The following KAZN variants were observed in gnomAD, a reference collection of about 807,000 sequenced individuals.
KAZN encodes the protein kazrin, periplakin interacting protein.
Under a neutral mutation model 87.4 loss-of-function variants are expected in KAZN, and 40 were observed. That is an observed-to-expected ratio of 0.46 (90% confidence interval 0.36 to 0.60). KAZN has a LOEUF of 0.60. KAZN is among the 20% of genes least tolerant of loss of function. The probability of loss-of-function intolerance (pLI) is 0.00; values close to 1 mark genes in which losing one functional copy is unlikely to be tolerated. For missense variants in KAZN, 898 were observed against 1,073.9 expected, an observed-to-expected ratio of 0.84 and a Z score of 2.29; for synonymous variants, 466 against 458.3, an observed-to-expected ratio of 1.02 and a Z score of -0.22.
chr1:14,968,637 C>T (rs191167745), intron 2 of KAZN, among the ~76,000 whole-genome samples: 23 of 152,256 alleles, frequency 1.5e-4, no homozygotes, highest in Admixed American at 4.6e-4. Context: ...CAGCACGGGG[C>T]GGGTGGAGTT....
intron 2 of KAZN, among the ~76,000 whole-genome samples, chr1:14,456,985 C>A (rs1667600349): frequency 6.6e-6 from 1 of 152,154 alleles, no homozygotes; most frequent in African/African-American, 2.4e-5. Context: ...GAGGCTAGGG[C>A]AGAAAAATCG....
chr1:14,411,078 C>T (rs1664268815), intron 2 of KAZN, among the ~76,000 whole-genome samples: 1 of 152,156 alleles, frequency 6.6e-6, no homozygotes, highest in African/African-American at 2.4e-5. Flanking sequence ...AATAAATCTA[C>T]AACTAGGCAC....
intron 1 of KAZN, among the ~76,000 whole-genome samples, chr1:14,750,915 C>T (rs1317011127): frequency 2.0e-5 from 3 of 152,176 alleles, no homozygotes; most frequent in Admixed American, 1.3e-4. Flanking sequence ...TCCAGTGTAA[C>T]CCCTGATGTT....
chr1:14,528,413 C>A (rs1276398824), intron 2 of KAZN, among the ~76,000 whole-genome samples: 3 of 150,956 alleles, frequency 2.0e-5, no homozygotes, highest in African/African-American at 7.3e-5. Context: ...CTGCCACACG[C>A]TGACCTCTAG....
At chr1:15,101,262 CT>C (rs1641057266) in intron 10 of KAZN, among the ~76,000 whole-genome samples, 1 of 151,580 alleles carries the variant, frequency 6.6e-6, no homozygotes, top group Non-Finnish European at 1.5e-5. Context: ...TTCTCTGTCT[CT>C]TTCTCTCTTT....
intron 2 of KAZN, among the ~76,000 whole-genome samples, chr1:14,343,440 G>A (rs1008639078): frequency 7.2e-5 from 11 of 152,238 alleles, no homozygotes; most frequent in African/African-American, 1.7e-4. Context: ...TTCCTTGGTC[G>A]AGAGCTATGC....
At chr1:14,833,770 A>G (rs1176657983) in intron 1 of KAZN, among the ~76,000 whole-genome samples, 2 of 152,128 alleles carry the variant, frequency 1.3e-5, no homozygotes, top group Non-Finnish European at 2.9e-5. Flanking sequence ...ACCCTTGCTA[A>G]TAGACCCTGG....
chr1:14,684,161 G>A (rs994576089), intron 1 of KAZN, among the ~76,000 whole-genome samples: 4 of 152,136 alleles, frequency 2.6e-5, no homozygotes, highest in Non-Finnish European at 5.9e-5. Flanking sequence ...GGCTTGATGT[G>A]CTTGCTTTTT....
chr1:14,443,536 T>C (rs1006928105), intron 2 of KAZN, among the ~76,000 whole-genome samples: 11 of 152,248 alleles, frequency 7.2e-5, no homozygotes, highest in Admixed American at 2.0e-4. Context: ...AGAGTCTCCA[T>C]TGGATTGGAG....
At chr1:14,872,858 A>G (rs1318045668) in intron 1 of KAZN, among the ~76,000 whole-genome samples, 2 of 151,410 alleles carry the variant, frequency 1.3e-5, no homozygotes, top group African/African-American at 4.9e-5. Flanking sequence ...ACGGATACAT[A>G]GATGAATAGA....
intron 2 of KAZN, among the ~76,000 whole-genome samples, chr1:14,337,903 A>G (rs1211245160): frequency 6.6e-6 from 1 of 151,802 alleles, no homozygotes; most frequent in African/African-American, 2.4e-5. Flanking sequence ...CAAAAAAAAA[A>G]AAAAAAAAAG....
In KAZN at chr1:13,913,091, C is replaced by T. The variant is rs114230707; in HGVS notation, c.91+19335C>T. Among the ~76,000 whole-genome samples, 1,000 of 152,162 alleles carry T rather than the reference C, an allele frequency of 6.6e-3. 6 individuals carry two copies. The highest frequency in any genetic ancestry group is 0.054 in the Middle Eastern group (16 of 294). ...GGGGTTGGGGTCACTGGACCCTCTC[C>T]TAATGTTAATATTGAACTGCAAGAG... On this transcript the variant is annotated intron_variant, in intron 1 of 16. Coordinates refer to the KAZN transcript ENST00000636203.
At chr1:14,550,741 C>CT (rs1557793848) in intron 2 of KAZN, among the ~76,000 whole-genome samples, 1 of 75,636 alleles carries the variant, frequency 1.3e-5, no homozygotes, top group African/African-American at 3.9e-5. Context: ...CTCTCTCTCC[C>CT]CCACCCCGCC....
chr1:14,157,361 G>A (rs773090589), intron 1 of KAZN, among the ~76,000 whole-genome samples: 10 of 152,066 alleles, frequency 6.6e-5, no homozygotes, highest in South Asian at 2.1e-4. Context: ...AGATGAAGCC[G>A]ACCTACTTTC....
chr1:14,448,065 CTG>C (rs1476056825), intron 2 of KAZN, among the ~76,000 whole-genome samples: 1 of 152,228 alleles, frequency 6.6e-6, no homozygotes, highest in Non-Finnish European at 1.5e-5. Context: ...ACAGGACAAA[CTG>C]TGGTTAAGAT....
intron 1 of KAZN, among the ~76,000 whole-genome samples, chr1:14,707,304 AG>A (rs1327901850): frequency 2.0e-5 from 3 of 152,184 alleles, no homozygotes; most frequent in Non-Finnish European, 2.9e-5. Flanking sequence ...AATGCGTGAG[AG>A]GATAAAGGCA....
Position 15,051,939 on chromosome 1 carries a change from T to C in KAZN, c.727-4152T>C, listed in dbSNP as rs143550214. Among the ~76,000 whole-genome samples the C allele has an allele frequency of 4.2e-3, 644 of 152,344 alleles. 3 individuals are homozygous for C. The highest frequency in any genetic ancestry group is 0.041 in the South Asian group (197 of 4,830). The stretch of plus-strand genomic sequence containing the variant: ...TTCTGTCTGACTTTTGTCAAATGGA[T>C]GCATTTGTGTCAAGTTAACAATTCC... On this transcript the variant is annotated intron_variant, in intron 4 of 14. Coordinates refer to ENST00000376030, the MANE Select transcript of KAZN (RefSeq NM_201628.3).
chr1:14,845,171 GTGGATGGATGGA>G (rs145173619), intron 1 of KAZN, among the ~76,000 whole-genome samples: 1 of 149,376 alleles, frequency 6.7e-6, no homozygotes, highest in African/African-American at 2.5e-5. Context: ...GGATGGGTGG[GTGGATGGATGGA>G]TGGATGGATG....
rs117257023 is a variant in KAZN at position 14,077,659 on chromosome 1, A to T, written c.92-102776A>T. On this transcript the variant is annotated intron_variant, in intron 1 of 16. Coordinates refer to the KAZN transcript ENST00000636203. ...GGTGTAGATAATTGTTATGGGTTGA[A>T]TTGTGTTTCCCAAAAAGATATGTGG... Among the ~76,000 whole-genome samples the T allele has an allele frequency of 8.8e-3, 1,341 of 152,084 alleles. 61 individuals are homozygous for T. The highest frequency in any genetic ancestry group is 0.066 in the Admixed American group (1,008 of 15,280).
Sources: allele counts gnomAD v4.1 joint callset (sites outside exome capture counted in the v4.1 genomes callset), GRCh38; gene constraint gnomAD v4.1.1; transcripts MANE v1.5; gene names NCBI Gene and HGNC (gene_info 2026-07-23, HGNC 2026-07-21).